SOAT1: variants seen among roughly 807,000 people sequenced by gnomAD.
SOAT1 encodes the protein acyl-coenzyme A:cholesterol acyltransferase 1.
Under a neutral mutation model 69.5 loss-of-function variants are expected in SOAT1, and 55 were observed. That is an observed-to-expected ratio of 0.79 (90% CI 0.64 to 0.99). The LOEUF (loss-of-function observed/expected upper bound fraction) is 0.99. SOAT1 is among the 50% of genes least tolerant of loss of function. The probability of loss-of-function intolerance (pLI) is 0.00; values close to 1 mark genes in which losing one functional copy is unlikely to be tolerated. For missense variants in SOAT1, 580 were observed against 669.3 expected (o/e 0.87, Z 1.47); for synonymous variants, 231 against 224.7 (o/e 1.03, Z -0.25).
intron 3 of SOAT1, among the ~76,000 whole-genome samples, chr1:179,329,423 C>T (rs192771130): frequency 1.3e-5 from 2 of 152,084 alleles, no homozygotes; most frequent in African/African-American, 4.8e-5. Context: ...ATTCAAGTAA[C>T]GCCTTCTAAA....
intron 15 of SOAT1, among the ~76,000 whole-genome samples, chr1:179,353,217 A>ATAAATATAAATATATATATATT: frequency 8.4e-6 from 1 of 119,696 alleles, no homozygotes; most frequent in Non-Finnish European, 1.7e-5. Context: ...AAATATATAT[A>ATAAATATAAATATATATATATT]TATATATCTA....
chr1:179,324,566 T>C (rs1665712987), intron 3 of SOAT1, among the ~76,000 whole-genome samples: 1 of 152,226 alleles, frequency 6.6e-6, no homozygotes, highest in Admixed American at 6.5e-5. Context: ...GGGTATAGAC[T>C]CCTAGTTAAT....
chr1:179,351,960 C>T (rs1027484086), intron 15 of SOAT1, among the ~76,000 whole-genome samples: 4 of 151,796 alleles, frequency 2.6e-5, no homozygotes, highest in East Asian at 1.9e-4. Context: ...CCTCATGATC[C>T]GCCCACCTCG....
At position 179,342,848 on chromosome 1, in the gene SOAT1, T is replaced by C. The variant is rs201930601; in HGVS notation, c.860-14T>C. On this transcript the variant is annotated splice_polypyrimidine_tract_variant and intron_variant, in intron 8 of 15. Transcript: ENST00000367619. Reference sequence around the variant, plus strand: ...CAAAGAGCCTTTGCTCTAACTATAGTTTTCCTTTTCTAGGCACTGTTCCAA... The same window carrying C: ...CAAAGAGCCTTTGCTCTAACTATAGCTTTCCTTTTCTAGGCACTGTTCCAA... 2.5e-6 allele frequency: 4 copies of C among 1,603,314 alleles called. No homozygotes were observed. The highest frequency in any genetic ancestry group is 3.4e-6 in the Non-Finnish European group (4 of 1,170,596).
intron 5 of SOAT1, among the ~76,000 whole-genome samples, chr1:179,338,675 GAA>G (rs1666236510): frequency 1.3e-5 from 2 of 152,040 alleles, no homozygotes; most frequent in South Asian, 4.1e-4. Flanking sequence ...AAAGGGAAAA[GAA>G]AATTTATTTT....
At position 179,347,639 on chromosome 1, in the gene SOAT1, A is replaced by AAAAAAAGG; in HGVS notation, c.1157_1158insAAAAAAGG (p.His386GlnfsTer68). 2 of 1,613,474 alleles carry AAAAAAAGG rather than the reference A, an allele frequency of 1.2e-6. No individual in the cohort carries two copies. Among genetic ancestry groups the AAAAAAAGG allele is most frequent in the Non-Finnish European group, 1.7e-6 (2 of 1,179,644 alleles). On this transcript the variant is annotated frameshift_variant, in exon 12 of 16. Coordinates refer to ENST00000367619, the MANE Select transcript of SOAT1 (RefSeq NM_003101.6). LOFTEE classifies it high-confidence loss of function. ...TTCCTTACTTTTTTTGCCTTTTTGC[A>AAAAAAAGG]CTGCTGGCTCAATGCCTTTGCTGAG... is the stretch of plus-strand genomic sequence containing the variant.
intron 3 of SOAT1, among the ~76,000 whole-genome samples, chr1:179,335,015 CAAAAAAAAAA>C (rs10603546): frequency 2.6e-4 from 19 of 73,538 alleles, no homozygotes; most frequent in African/African-American, 1.1e-3. Context: ...AACTCCATCT[CAAAAAAAAAA>C]AAAAAAAAAA....
chr1:179,348,939 C>T lies in SOAT1; in HGVS notation c.1311C>T (p.Leu437=), dbSNP rs1161662341. 1 of 1,542,056 alleles carries T rather than the reference C, an allele frequency of 6.5e-7. No individual in the cohort carries two copies. Among genetic ancestry groups the T allele is most frequent in the East Asian group, 2.2e-5 (1 of 44,578 alleles). The change falls in exon 13 of 16, where the codon CTC becomes CTT. Residue 437 remains leucine (L), a synonymous_variant. Transcript: ENST00000367619. The part of the protein sequence containing the change: ...WLYYYAYKDF[L]WFFSKRFKSA... The stretch of plus-strand genomic sequence containing the variant: ...ATTACTATGCTTACAAGGACTTTCT[C>T]TGGGTAAGTAGCAAGGTTTAAGTTG...
At chr1:179,351,056 T>C (rs1666712170) in intron 14 of SOAT1, among the ~76,000 whole-genome samples, 2 of 64,560 alleles carry the variant, frequency 3.1e-5, no homozygotes, top group South Asian at 9.6e-4. Context: ...TTTTTTTTTT[T>C]TTTTGAGACA....
chr1:179,306,396 A>G (rs1162095845), intron 2 of SOAT1, among the ~76,000 whole-genome samples: 1 of 152,136 alleles, frequency 6.6e-6, no homozygotes, highest in African/African-American at 2.4e-5. Context: ...GCCAAATAGC[A>G]AGCAGTAATT....
chr1:179,341,263 G>A lies in SOAT1; in HGVS notation c.733G>A (p.Ala245Thr). The change falls in exon 7 of 16, where the codon GCA becomes ACA. Residue 245 changes from alanine to threonine, a missense_variant. Physicochemically the swap from Ala to Thr is moderately conservative, Grantham distance 58. Transcript: ENST00000367619. ...LGFGPTYVVL[A>T]YTLPPASRFI... ...TTTTGGACCAACATATGTTGTGTTA[G>A]CATATACACTGCCACCAGCTTCCCG... The A allele has an allele frequency of 6.2e-7, 1 of 1,614,094 alleles. No homozygotes were observed. Among genetic ancestry groups the A allele is most frequent in the Non-Finnish European group, 8.5e-7 (1 of 1,180,004 alleles).
chr1:179,314,375 C>T (rs1026648935), intron 2 of SOAT1, among the ~76,000 whole-genome samples: 3 of 152,034 alleles, frequency 2.0e-5, no homozygotes, highest in African/African-American at 7.2e-5. Flanking sequence ...GTAGCTTTGG[C>T]GGTAGATTGA....
At chr1:179,352,489 C>A (rs969878489) in intron 15 of SOAT1, among the ~76,000 whole-genome samples, 1 of 135,636 alleles carries the variant, frequency 7.4e-6, no homozygotes, top group Non-Finnish European at 1.6e-5. Flanking sequence ...TTTGTCCTGC[C>A]TCCTGTATTG....
intron 1 of SOAT1, among the ~76,000 whole-genome samples, chr1:179,300,954 G>A (rs1479921380): frequency 2.6e-5 from 4 of 152,112 alleles, no homozygotes; most frequent in African/African-American, 9.7e-5. Flanking sequence ...AATTAGCCAC[G>A]TGTGGTGGCA....
intron 3 of SOAT1, among the ~76,000 whole-genome samples, chr1:179,325,261 T>A (rs1665746468): frequency 6.6e-6 from 1 of 150,438 alleles, no homozygotes; most frequent in Non-Finnish European, 1.5e-5. Flanking sequence ...ACCATTCTCC[T>A]GCATCAGCCT....
chr1:179,341,176 C>A lies in SOAT1; in HGVS notation c.646C>A (p.Pro216Thr). Residue 216 changes from proline (P) to threonine (T), a missense_variant, in exon 7 of 16, where the codon CCG becomes ACG. Transcript: ENST00000367619. ...WATGYSKSSH[P>T]LIRSLFHGFL... is the part of the protein sequence containing the mutation. ...CACTGGCTATAGCAAGAGTTCTCAT[C>A]CGCTGATCCGTTCTCTCTTCCATGG... 6.2e-7 allele frequency: 1 copy of A among 1,614,082 alleles called. No homozygotes were observed. Among genetic ancestry groups the A allele is most frequent in the Non-Finnish European group, 8.5e-7 (1 of 1,180,008 alleles).
At chr1:179,345,669 C>T (rs1666507216) in intron 11 of SOAT1, among the ~76,000 whole-genome samples, 2 of 151,870 alleles carry the variant, frequency 1.3e-5, no homozygotes, top group African/African-American at 4.8e-5. Flanking sequence ...GAGTGATCCT[C>T]TCGCCTCAGT....
chr1:179,323,091 A>C (rs1571426060), intron 2 of SOAT1, among the ~76,000 whole-genome samples: 1 of 140,776 alleles, frequency 7.1e-6, no homozygotes, highest in African/African-American at 2.7e-5. Context: ...CTTGGCAATA[A>C]GTTTTAAAAG....
chr1:179,317,449 T>C (rs369530123), intron 2 of SOAT1, among the ~76,000 whole-genome samples: 2 of 149,118 alleles, frequency 1.3e-5, no homozygotes, highest in South Asian at 2.1e-4. Flanking sequence ...AGGAGAATGG[T>C]GTGAACCCAG....
Sources: allele counts gnomAD v4.1 joint callset (sites outside exome capture counted in the v4.1 genomes callset), GRCh38; gene constraint gnomAD v4.1.1; transcripts MANE v1.5; gene names NCBI Gene and HGNC (gene_info 2026-07-23, HGNC 2026-07-21).